KLHL14: variants seen among roughly 807,000 people sequenced by gnomAD.
KLHL14 encodes kelch-like protein 14.
KLHL14 carries 22 observed loss-of-function variants against 64.3 expected under a neutral mutation model. The observed-to-expected ratio is 0.34, with a 90% CI of 0.24 to 0.49. KLHL14 has a LOEUF of 0.49. KLHL14 is among the 20% of genes least tolerant of loss of function. The pLI is 0.99. For missense variants in KLHL14, 661 were observed against 789.0 expected (o/e 0.84, Z 1.94); for synonymous variants, 322 against 333.4 (o/e 0.97, Z 0.37).
intron 2 of KLHL14, among the ~76,000 whole-genome samples, chr18:32,749,606 G>A (rs1214317609): frequency 1.3e-5 from 2 of 152,188 alleles, no homozygotes; most frequent in African/African-American, 4.8e-5. Flanking sequence ...CATACTGAAG[G>A]GGGAAAATAT....
At chr18:32,729,267 G>T (rs767962872) in intron 3 of KLHL14, among the ~76,000 whole-genome samples, 2 of 152,146 alleles carry the variant, frequency 1.3e-5, no homozygotes, top group African/African-American at 2.4e-5. Flanking sequence ...GCCTCTGTGG[G>T]AATGTGAACT....
Position 32,770,150 on chromosome 18 carries a change from T to C in KLHL14, c.442A>G (p.Thr148Ala), listed in dbSNP as rs749528465. ...TCCTCCACCGTGTCCAGGGACAGGGTCACGTTGGCCGTGTAGAGGTACTCG... is the reference window on the plus strand; with the variant it reads ...TCCTCCACCGTGTCCAGGGACAGGGCCACGTTGGCCGTGTAGAGGTACTCG... Reference protein sequence around the residue: ...VLEYLYTANVTLSLDTVEEVL... With the variant: ...VLEYLYTANVALSLDTVEEVL... The change falls in exon 2 of 9, where the codon ACC (threonine) becomes GCC (alanine). Residue 148 changes from threonine to alanine, a missense_variant. Physicochemically the swap from Thr to Ala is moderately conservative, Grantham distance 58. Coordinates refer to ENST00000359358, the MANE Select transcript of KLHL14 (RefSeq NM_020805.3). The surrounding 1 kb of genome is among the most constrained non-coding windows in gnomAD (Gnocchi z 6.7). 6.2e-7 allele frequency: 1 copy of C among 1,613,994 alleles called. No individual in the cohort carries two copies. Among genetic ancestry groups the C allele is most frequent in the Non-Finnish European group, 8.5e-7 (1 of 1,180,002 alleles).
intron 7 of KLHL14, among the ~76,000 whole-genome samples, chr18:32,679,281 A>G (rs7236226): frequency 0.026 from 3,897 of 152,210 alleles, 163 homozygotes; most frequent in African/African-American, 0.088. Context: ...CTAGATCTAA[A>G]CCATTTAAAA....
intron 2 of KLHL14, among the ~76,000 whole-genome samples, chr18:32,769,155 A>G (rs2050362926): frequency 6.6e-6 from 1 of 152,192 alleles, no homozygotes; most frequent in Non-Finnish European, 1.5e-5. Context: ...TGACGGCAAG[A>G]CCATGAAAGC....
chr18:32,708,099 T>C (rs888075793), intron 3 of KLHL14, among the ~76,000 whole-genome samples: 2 of 152,210 alleles, frequency 1.3e-5, no homozygotes, highest in African/African-American at 4.8e-5. Context: ...TATTTTTGGC[T>C]GGCCTCATAT....
chr18:32,686,265 G>A (rs1330693426), intron 5 of KLHL14, among the ~76,000 whole-genome samples: 3 of 145,770 alleles, frequency 2.1e-5, no homozygotes, highest in African/African-American at 5.1e-5. Flanking sequence ...TCCTGGCTTC[G>A]TGATCCACCC....
At chr18:32,710,253 A>C (rs767115807) in intron 3 of KLHL14, among the ~76,000 whole-genome samples, 1 of 152,156 alleles carries the variant, frequency 6.6e-6, no homozygotes, top group Non-Finnish European at 1.5e-5. Context: ...CCAAATAAAC[A>C]AAGTTTCTTT....
At chr18:32,718,834 T>C (rs2050059513) in intron 3 of KLHL14, among the ~76,000 whole-genome samples, 1 of 152,228 alleles carries the variant, frequency 6.6e-6, no homozygotes, top group African/African-American at 2.4e-5. Flanking sequence ...AGTGTATAGA[T>C]ATACTCACAA....
intron 2 of KLHL14, among the ~76,000 whole-genome samples, chr18:32,754,356 A>C (rs1235569724): frequency 6.6e-6 from 1 of 152,212 alleles, no homozygotes; most frequent in Admixed American, 6.5e-5. Flanking sequence ...AAGAGATAAG[A>C]GTGACTTTTT....
Position 32,683,136 on chromosome 18 carries a change from A to G in KLHL14, c.1239-2537T>C, listed in dbSNP as rs116252970. On this transcript the variant is annotated intron_variant, in intron 5 of 8. Transcript: ENST00000359358. This position sits in a 1 kb window ranked among gnomAD's most constrained non-coding sequence, Gnocchi z 4.2. ...ATTCAGTTTTTTTTCACTTTTTATG[A>G]TCTGGTTCCTTCCTCACCGTGACAC... 6.1e-3 allele frequency among the ~76,000 whole-genome samples: 927 copies of G among 152,118 alleles called. 13 individuals are homozygous for G. Among genetic ancestry groups the G allele is most frequent in the African/African-American group, 0.021 (866 of 41,482 alleles).
chr18:32,730,160 C>T (rs2050130369), intron 3 of KLHL14, among the ~76,000 whole-genome samples: 1 of 152,186 alleles, frequency 6.6e-6, no homozygotes, highest in South Asian at 2.1e-4. Flanking sequence ...CAGAGATCAG[C>T]ATGGAGAAGT....
At chr18:32,746,377 G>T (rs993260420) in intron 2 of KLHL14, among the ~76,000 whole-genome samples, 1 of 152,200 alleles carries the variant, frequency 6.6e-6, no homozygotes, top group African/African-American at 2.4e-5. Flanking sequence ...ACATTTGGGC[G>T]TGTGTGCGCG....
At chr18:32,684,754 G>A (rs2049863791) in intron 5 of KLHL14, among the ~76,000 whole-genome samples, 1 of 152,162 alleles carries the variant, frequency 6.6e-6, no homozygotes, top group Admixed American at 6.5e-5. Context: ...AATGTTTTAA[G>A]CAACTTTTCT....
rs1471708481 is a variant in KLHL14, at chr18:32,680,042, T to C, written c.1588+127A>G. The stretch of plus-strand genomic sequence containing the variant: ...AAGGGTACTGCCAATTTACACAGAG[T>C]AGATTTTATTAGGTCAACATGTTTT... On this transcript the variant is annotated intron_variant, in intron 7 of 8. Coordinates refer to ENST00000359358, the MANE Select transcript of KLHL14 (RefSeq NM_020805.3). The surrounding 1 kb of genome is among the most constrained non-coding windows in gnomAD (Gnocchi z 4.8). 8 of 932,022 alleles carry C rather than the reference T, an allele frequency of 8.6e-6. No homozygotes were observed. The highest frequency in any genetic ancestry group is 6.3e-6 in the Non-Finnish European group (4 of 633,870). The allele number at this position is 932,022 out of a possible 1,614,324, so 57.7% of individuals were successfully genotyped here.
At chr18:32,758,860 T>G (rs932115975) in intron 2 of KLHL14, among the ~76,000 whole-genome samples, 92 of 152,192 alleles carry the variant, frequency 6.0e-4, no homozygotes, top group African/African-American at 2.1e-3. Context: ...TGATTCTATT[T>G]ATATGAAATG....
chr18:32,692,820 T>A (rs1186273802), intron 4 of KLHL14, among the ~76,000 whole-genome samples: 1 of 152,206 alleles, frequency 6.6e-6, no homozygotes, highest in Non-Finnish European at 1.5e-5. Flanking sequence ...CTCTTCAGGC[T>A]TAGTCTTCTC....
chr18:32,760,634 C>T (rs913652663), intron 2 of KLHL14, among the ~76,000 whole-genome samples: 8 of 152,234 alleles, frequency 5.3e-5, no homozygotes, highest in Middle Eastern at 3.4e-3. Flanking sequence ...AGAGTCCCCG[C>T]GCAGGTGCAA....
intron 3 of KLHL14, chr18:32,734,014 C>A (rs2050150342): frequency 4.9e-6 from 3 of 612,798 alleles, no homozygotes; most frequent in Admixed American, 5.3e-5. Context: ...GATGACTATT[C>A]TTCTCACCCA....
chr18:32,772,160 G>C (rs2050392382), intron 1 of KLHL14: 1 of 316,328 alleles, frequency 3.2e-6, no homozygotes, highest in South Asian at 2.7e-5. Flanking sequence ...CCGGCTCGGA[G>C]GGATCCCGGC....
Sources: allele counts gnomAD v4.1 joint callset (sites outside exome capture counted in the v4.1 genomes callset), GRCh38; gene constraint gnomAD v4.1.1; non-coding constraint Gnocchi (gnomAD v3.1); transcripts MANE v1.5; gene names NCBI Gene and HGNC (gene_info 2026-07-23, HGNC 2026-07-21).